WWOX: variants seen among roughly 807,000 people sequenced by gnomAD.
WWOX encodes WW domain-containing oxidoreductase.
A neutral mutation model predicts 46.2 loss-of-function variants in WWOX; 69 were observed. The ratio of observed to expected loss-of-function variants is 1.49; its 90% CI spans 1.23 to 1.82. The LOEUF (loss-of-function observed/expected upper bound fraction) is 1.82, where lower values mean the gene tolerates loss of function less well. Among genes scored for constraint, WWOX ranks in the 40% most tolerant of loss-of-function variants. The pLI, the probability that WWOX is intolerant of heterozygous loss-of-function variation, is 0.00. For synonymous variants in WWOX, 359 were observed against 202.6 expected (o/e 1.77, Z -6.56); for missense variants, 919 against 542.6 (o/e 1.69, Z -6.89).
intron 8 of WWOX, among the ~76,000 whole-genome samples, chr16:78,565,107 C>T (rs1289932415): frequency 6.6e-6 from 1 of 152,204 alleles, no homozygotes; most frequent in Admixed American, 6.5e-5. Flanking sequence ...TTCATTCATT[C>T]ATCAGAGCAG....
chr16:78,715,399 C>G (rs1204163375), intron 8 of WWOX, among the ~76,000 whole-genome samples: 2 of 152,152 alleles, frequency 1.3e-5, no homozygotes, highest in African/African-American at 4.8e-5. Context: ...TCGTAGATGG[C>G]CACCACAGGT....
chr16:78,118,258 T>A (rs938164464), intron 4 of WWOX, among the ~76,000 whole-genome samples: 2 of 152,066 alleles, frequency 1.3e-5, no homozygotes, highest in African/African-American at 4.8e-5. Flanking sequence ...TTTGAGTTTT[T>A]GATACTGATA....
At chr16:78,457,960 C>A (rs1364850298) in intron 8 of WWOX, among the ~76,000 whole-genome samples, 1 of 148,656 alleles carries the variant, frequency 6.7e-6, no homozygotes, top group Admixed American at 6.7e-5. Flanking sequence ...TGCCTGTAAT[C>A]ACAGCTATCC....
intron 8 of WWOX, among the ~76,000 whole-genome samples, chr16:79,063,380 G>A (rs577837231): frequency 4.9e-4 from 75 of 152,284 alleles, no homozygotes; most frequent in African/African-American, 1.7e-3. Flanking sequence ...CATCACAACA[G>A]GCTGAATGCT....
At chr16:78,139,878 C>G (rs1365657879) in intron 4 of WWOX, among the ~76,000 whole-genome samples, 1 of 152,144 alleles carries the variant, frequency 6.6e-6, no homozygotes, top group African/African-American at 2.4e-5. Context: ...GTGCTCAACT[C>G]CAGGCACTTT....
chr16:79,038,834 GC>G (rs1441289426), intron 8 of WWOX, among the ~76,000 whole-genome samples: 1 of 152,150 alleles, frequency 6.6e-6, no homozygotes, highest in Non-Finnish European at 1.5e-5. Context: ...ACAAGCATGA[GC>G]CACTGTGCCC....
intron 5 of WWOX, chr16:78,167,027 G>A (rs749540368): frequency 1.3e-5 from 2 of 152,196 alleles, no homozygotes; most frequent in Non-Finnish European, 2.9e-5. Flanking sequence ...AAATTCCAGG[G>A]ACGCTAGTGA....
intron 8 of WWOX, among the ~76,000 whole-genome samples, chr16:78,508,265 C>G (rs576438711): frequency 3.2e-4 from 48 of 150,246 alleles, no homozygotes; most frequent in African/African-American, 1.1e-3. Context: ...CCTGCCTCAG[C>G]CACCCAAAGT....
chr16:78,815,043 G>A, intron 8 of WWOX, among the ~76,000 whole-genome samples: 1 of 152,192 alleles, frequency 6.6e-6, no homozygotes, highest in Admixed American at 6.5e-5. Flanking sequence ...GTTTCGTCCA[G>A]GCCGGGCACA....
chr16:78,980,527 T>C (rs1449076491), intron 8 of WWOX, among the ~76,000 whole-genome samples: 1 of 152,234 alleles, frequency 6.6e-6, no homozygotes, highest in Non-Finnish European at 1.5e-5. Flanking sequence ...TCAATTAAAA[T>C]ACTAATAGTT....
At chr16:79,018,618 C>G (rs371606633) in intron 8 of WWOX, among the ~76,000 whole-genome samples, 2 of 152,098 alleles carry the variant, frequency 1.3e-5, no homozygotes, top group African/African-American at 2.4e-5. Flanking sequence ...CTATAAGACA[C>G]CACCATTTCA....
intron 8 of WWOX, among the ~76,000 whole-genome samples, chr16:79,012,314 C>A (rs981832972): frequency 1.3e-5 from 2 of 151,994 alleles, no homozygotes; most frequent in African/African-American, 4.8e-5. Context: ...CTCACTGCAA[C>A]CTACACTTCC....
chr16:78,774,775 G>C (rs1359199051), intron 8 of WWOX, among the ~76,000 whole-genome samples: 3 of 152,108 alleles, frequency 2.0e-5, no homozygotes, highest in African/African-American at 7.2e-5. Context: ...GCAATTCCTG[G>C]CACATGGCAT....
At chr16:78,653,166 A>AG (rs1474792728) in intron 8 of WWOX, among the ~76,000 whole-genome samples, 2 of 152,198 alleles carry the variant, frequency 1.3e-5, no homozygotes, top group East Asian at 3.8e-4. Flanking sequence ...AATTAAAAAA[A>AG]CAAGAATTTC....
chr16:79,031,735 T>C (rs961936209), intron 8 of WWOX, among the ~76,000 whole-genome samples: 2 of 146,252 alleles, frequency 1.4e-5, no homozygotes, highest in African/African-American at 4.9e-5. Flanking sequence ...TAATAGGCTC[T>C]CTCTCTGTCT....
At chr16:79,031,207 AG>A (rs2047746908) in intron 8 of WWOX, among the ~76,000 whole-genome samples, 1 of 151,942 alleles carries the variant, frequency 6.6e-6, no homozygotes, top group Non-Finnish European at 1.5e-5. Context: ...GAGGGTGTTT[AG>A]GGATTAGATG....
chr16:79,193,285 C>G (rs997131531), intron 8 of WWOX, among the ~76,000 whole-genome samples: 1 of 152,208 alleles, frequency 6.6e-6, no homozygotes, highest in Non-Finnish European at 1.5e-5. Flanking sequence ...TAGTAAGCAC[C>G]TCTGAGGCTC....
intron 7 of WWOX, among the ~76,000 whole-genome samples, chr16:78,426,180 A>C (rs2083073177): frequency 6.6e-6 from 1 of 152,208 alleles, no homozygotes; most frequent in South Asian, 2.1e-4. Context: ...CAAAATCTGG[A>C]CAGCCTTATC....
chr16:78,431,870 A>T (rs957843985), intron 7 of WWOX, among the ~76,000 whole-genome samples: 1 of 151,882 alleles, frequency 6.6e-6, no homozygotes, highest in African/African-American at 2.4e-5. Flanking sequence ...GCATGTGCCA[A>T]AATACTCAAC....
Sources: gnomAD v4.1 joint callset for allele counts (sites outside exome capture counted in the v4.1 genomes callset) on GRCh38, gnomAD v4.1.1 for gene constraint, MANE v1.5 for transcripts, NCBI Gene and HGNC (gene_info 2026-07-23, HGNC 2026-07-21) for gene names.